SEPSECS: variants seen among roughly 807,000 people sequenced by gnomAD.
The protein encoded by SEPSECS is Sep (O-phosphoserine) tRNA:Sec (selenocysteine) tRNA synthase, also known as O-phosphoseryl-tRNA(Sec) selenium transferase.
A neutral mutation model predicts 52.1 loss-of-function variants in SEPSECS; 42 were observed. That is an observed-to-expected ratio of 0.81 (90% CI 0.63 to 1.04). The LOEUF (loss-of-function observed/expected upper bound fraction) is 1.04, where lower values mean the gene tolerates loss of function less well. Ranked by LOEUF, SEPSECS falls within the 50% of genes least tolerant of loss-of-function variation. The pLI is 0.00. For missense variants in SEPSECS, 590 were observed against 610.6 expected, an observed-to-expected ratio of 0.97 and a Z score of 0.36; for synonymous variants, 216 against 211.4, an observed-to-expected ratio of 1.02 and a Z score of -0.19.
At chr4:25,147,629 C>T (rs1359242968) in intron 6 of SEPSECS, among the ~76,000 whole-genome samples, 4 of 152,192 alleles carry the variant, frequency 2.6e-5, no homozygotes, top group South Asian at 2.1e-4. Flanking sequence ...CTCTTAAATT[C>T]GTCATTTTAG....
At chr4:25,139,533 G>A (rs911460048) in intron 8 of SEPSECS, among the ~76,000 whole-genome samples, 1 of 151,852 alleles carries the variant, frequency 6.6e-6, no homozygotes, top group Non-Finnish European at 1.5e-5. Context: ...CTACAGGTGT[G>A]TGCCACCACA....
chr4:25,144,084 T>C (rs543276524), intron 8 of SEPSECS, among the ~76,000 whole-genome samples: 1 of 152,230 alleles, frequency 6.6e-6, no homozygotes, highest in South Asian at 2.1e-4. Flanking sequence ...GTAACGTCTG[T>C]AATCCCAGCA....
chr4:25,134,352 G>A (rs1020961443), intron 8 of SEPSECS, among the ~76,000 whole-genome samples: 2 of 144,110 alleles, frequency 1.4e-5, no homozygotes, highest in Non-Finnish European at 1.5e-5. Context: ...GTGTGTGTGT[G>A]TATAAAATTT....
intron 8 of SEPSECS, among the ~76,000 whole-genome samples, chr4:25,142,105 C>T (rs548253910): frequency 1.3e-5 from 2 of 152,206 alleles, no homozygotes; most frequent in Admixed American, 6.5e-5. Flanking sequence ...GGCAAAACCC[C>T]GTCTCTACTA....
chr4:25,124,314 T>C, intron 10 of SEPSECS, 89 bp from the exon 11 acceptor site: 1 of 1,227,486 alleles, frequency 8.1e-7, no homozygotes, highest in Non-Finnish European at 1.2e-6. Flanking sequence ...TACAAAGCCT[T>C]ACATCCACTT....
rs560378169 is a variant in SEPSECS at position 25,144,945 on chromosome 4, T to C, written c.934+59A>G. ...AATTAAGATTTACTACAATAGCCTA[T>C]GTACAAATGGATTTTTGTTTGTTAG... On this transcript the variant is annotated intron_variant, in intron 7 of 10. Coordinates refer to ENST00000382103, the MANE Select transcript of SEPSECS (RefSeq NM_016955.4). 2.7e-4 allele frequency: 435 copies of C among 1,601,750 alleles called. 2 individuals carry two copies. In the South Asian group the frequency reaches 3.1e-3, roughly 11 times the overall value.
At chr4:25,130,504 G>A (rs978397486) in intron 8 of SEPSECS, among the ~76,000 whole-genome samples, 1 of 152,056 alleles carries the variant, frequency 6.6e-6, no homozygotes, top group African/African-American at 2.4e-5. Context: ...TTTAGACTAC[G>A]AGGATAACAC....
At chr4:25,148,229 TG>T (rs1234399087) in intron 6 of SEPSECS, among the ~76,000 whole-genome samples, 2 of 151,818 alleles carry the variant, frequency 1.3e-5, no homozygotes, top group African/African-American at 4.8e-5. Context: ...GGTGGGCGCC[TG>T]TAGTCCCAGC....
chr4:25,145,162 T>C (rs1711886244), intron 6 of SEPSECS, 29 bp from the exon 7 acceptor site: 1 of 1,612,402 alleles, frequency 6.2e-7, no homozygotes, highest in Non-Finnish European at 8.5e-7. Flanking sequence ...TACATATTAG[T>C]TGCTAGGAAA....
In SEPSECS at chr4:25,160,418, G is replaced by C. The variant is rs546938016; in HGVS notation, c.-49C>G. On this transcript the variant is annotated 5_prime_UTR_variant, in exon 1 of 11. Coordinates refer to ENST00000382103, the MANE Select transcript of SEPSECS (RefSeq NM_016955.4). ...ATAAGCGGGAGCACTAGCTCCACACGCCAGACACACGACGGAACCAGAATG... is the reference window on the plus strand; with the variant it reads ...ATAAGCGGGAGCACTAGCTCCACACCCCAGACACACGACGGAACCAGAATG... 9.7e-6 allele frequency: 14 copies of C among 1,448,644 alleles called. No homozygotes were observed. The highest frequency in any genetic ancestry group is 1.7e-4 in the Middle Eastern group (1 of 5,776). The allele number at this position is 1,448,644 out of a possible 1,614,324, so 89.7% of individuals were successfully genotyped here.
chr4:25,151,231 A>T (rs1317789799), intron 6 of SEPSECS, among the ~76,000 whole-genome samples: 1 of 152,200 alleles, frequency 6.6e-6, no homozygotes, highest in African/African-American at 2.4e-5. Flanking sequence ...TCACTGACCT[A>T]AAGAAAGCTA....
At chr4:25,132,312 A>G (rs568591216) in intron 8 of SEPSECS, among the ~76,000 whole-genome samples, 1 of 152,346 alleles carries the variant, frequency 6.6e-6, no homozygotes, top group Admixed American at 6.5e-5. Context: ...TTAGTACACA[A>G]TAACACCAAT....
chr4:25,147,400 C>G (rs1351843398), intron 6 of SEPSECS, among the ~76,000 whole-genome samples: 1 of 152,152 alleles, frequency 6.6e-6, no homozygotes, highest in African/African-American at 2.4e-5. Context: ...AAGCAGGAAC[C>G]CAGAAAGTAT....
chr4:25,159,803 A>T (rs1560339007), intron 1 of SEPSECS: 1 of 1,093,652 alleles, frequency 9.1e-7, no homozygotes, highest in Non-Finnish European at 1.1e-6. Flanking sequence ...ACTTTTAATG[A>T]AATTAAAATA....
intron 5 of SEPSECS, among the ~76,000 whole-genome samples, chr4:25,153,463 G>T (rs1712431984): frequency 6.6e-6 from 1 of 151,486 alleles, no homozygotes; most frequent in Non-Finnish European, 1.5e-5. Flanking sequence ...TAAATGAAAG[G>T]AGAAGCAGAA....
Position 25,125,727 on chromosome 4 carries a change from G to C in SEPSECS, c.1178C>G (p.Ser393Trp), listed in dbSNP as rs991789621. 6.2e-7 allele frequency: 1 copy of C among 1,612,730 alleles called. No individual in the cohort carries two copies. The highest frequency in any genetic ancestry group is 8.5e-7 in the Non-Finnish European group (1 of 1,179,334). ...AGAAACCTGTCTGGTAAAAAGCATC[G>C]AGCCAAGCTGAGTGACAGCTTTGTC... Reference protein sequence around the residue: ...HRDKAVTQLGSMLFTRQVSGA... With the variant: ...HRDKAVTQLGWMLFTRQVSGA... Residue 393 changes from serine (S) to tryptophan (W), a missense_variant, in exon 10 of 11, where the codon TCG (serine) becomes TGG (tryptophan). By Grantham distance (177) the Ser-to-Trp change is radical (BLOSUM62 -3). Coordinates refer to ENST00000382103, the MANE Select transcript of SEPSECS (RefSeq NM_016955.4).
Position 25,154,995 on chromosome 4 carries a change from T to C in SEPSECS, c.701+3A>G. On this transcript the variant is annotated splice_donor_region_variant and intron_variant, in intron 5 of 10. Transcript: ENST00000382103. ...TAAAGGACAATATTCACAAATCATT[T>C]ACCTATCAGGCACCCTTGGAGCAAA... 6.2e-7 allele frequency: 1 copy of C among 1,613,920 alleles called. No homozygotes were observed. Among genetic ancestry groups the C allele is most frequent in the Non-Finnish European group, 8.5e-7 (1 of 1,179,784 alleles).
At chr4:25,156,796 G>A in intron 3 of SEPSECS, 60 bp downstream of exon 3, 1 of 786,668 alleles carries the variant, frequency 1.3e-6, no homozygotes, top group South Asian at 1.3e-5. Flanking sequence ...AATGAAATGA[G>A]TCAGTGGTGT....
At chr4:25,133,142 C>T (rs1728678895) in intron 8 of SEPSECS, among the ~76,000 whole-genome samples, 1 of 152,060 alleles carries the variant, frequency 6.6e-6, no homozygotes, top group African/African-American at 2.4e-5. Context: ...AAAGAGTTCT[C>T]AGGATTAAAA....
Sources: allele counts gnomAD v4.1 joint callset (sites outside exome capture counted in the v4.1 genomes callset), GRCh38; gene constraint gnomAD v4.1.1; transcripts MANE v1.5; gene names NCBI Gene and HGNC (gene_info 2026-07-23, HGNC 2026-07-21).